The following NCAPD3 variants were observed in gnomAD, a reference collection of about 807,000 sequenced individuals.
NCAPD3 encodes the protein non-SMC condensin II complex subunit D3.
A neutral mutation model predicts 182.9 loss-of-function variants in NCAPD3; 105 were observed. The ratio of observed to expected loss-of-function variants is 0.57; its 90% CI spans 0.49 to 0.68. NCAPD3 has a LOEUF of 0.68. Among genes scored for constraint, NCAPD3 ranks in the 30% least tolerant of loss-of-function variants. The probability of loss-of-function intolerance (pLI) is 0.00; values close to 1 mark genes in which losing one functional copy is unlikely to be tolerated. For missense variants in NCAPD3, 1,944 were observed against 1,837.0 expected (o/e 1.06, Z -1.07); for synonymous variants, 815 against 679.9 (o/e 1.20, Z -3.09).
chr11:134,160,193 G>A, intron 28 of NCAPD3, 119 bp from the exon 29 acceptor site: 1 of 983,774 alleles, frequency 1.0e-6, no homozygotes, highest in South Asian at 1.8e-5. Flanking sequence ...GTGTACCCCT[G>A]AACGCAAAAT....
In NCAPD3 at chr11:134,158,067, C is replaced by A. The variant is rs755152875; in HGVS notation, c.4035G>T (p.Arg1345Ser). The A allele has an allele frequency of 6.2e-7, 1 of 1,613,128 alleles. No homozygotes were observed. The highest frequency in any genetic ancestry group is 2.2e-5 in the East Asian group (1 of 44,864). The change falls in exon 31 of 35, where the codon AGG (arginine) becomes AGT (serine). Residue 1345 changes from arginine to serine, a missense_variant and splice_region_variant. This residue lies in a region of NCAPD3 where 1,803 missense variants were observed against 1,674.6 expected (regional missense o/e 1.08). Coordinates refer to ENST00000534548, the MANE Select transcript of NCAPD3 (RefSeq NM_015261.3). The stretch of plus-strand genomic sequence containing the variant: ...TTGCAATGGTGCTCAGGGACATGGG[C>A]CTGTGGAGAACAGCCACAGCCGCTG... ...GPLQRLLPKA[R>S]PMSLSTIAIL...
Position 134,206,550 on chromosome 11 carries a change from G to A in NCAPD3, c.1016+49C>T, listed in dbSNP as rs986637191. On this transcript the variant is annotated intron_variant, in intron 8 of 34. Coordinates refer to ENST00000534548, the MANE Select transcript of NCAPD3 (RefSeq NM_015261.3). Reference sequence around the variant, plus strand: ...CAGAAATCTTAGTGCAGGGCCCAGAGTACTGAGGGAGACTGACAGGGTGAA... The same window carrying A: ...CAGAAATCTTAGTGCAGGGCCCAGAATACTGAGGGAGACTGACAGGGTGAA... 4 of 1,605,534 alleles carry A rather than the reference G, an allele frequency of 2.5e-6. No individual in the cohort carries two copies. The African/African-American group carries it at 4.0e-5, about 16-fold the overall frequency.
intron 27 of NCAPD3, among the ~76,000 whole-genome samples, chr11:134,167,148 C>T (rs560939370): frequency 7.4e-6 from 1 of 135,610 alleles, no homozygotes; most frequent in South Asian, 2.4e-4. Context: ...GGGAGGGGCA[C>T]ACTCACTAGT....
Position 134,168,942 on chromosome 11 carries a change from ACTTCTCATG to A in NCAPD3, c.3205_3213del (p.His1069_Lys1071del). 1 of 1,613,852 alleles carries A rather than the reference ACTTCTCATG, an allele frequency of 6.2e-7. No homozygotes were observed. ...CTCTCTGACTGGGGGAACTTGTTGT[ACTTCTCATG>A]CTTCTCATAGTTATTAAAGTGAAAA... is the stretch of plus-strand genomic sequence containing the variant. On this transcript the variant is annotated inframe_deletion, in exon 25 of 35. Transcript: ENST00000534548.
At chr11:134,223,227 C>G (rs925807032) in intron 1 of NCAPD3, 1 of 577,492 alleles carries the variant, frequency 1.7e-6, no homozygotes, top group South Asian at 2.1e-5. Flanking sequence ...TGGGCTGGCA[C>G]AGTTAACATC....
In NCAPD3 at chr11:134,203,693, TA is replaced by T; in HGVS notation, c.1428del (p.Thr477ProfsTer11). On this transcript the variant is annotated frameshift_variant, in exon 11 of 35. Coordinates refer to ENST00000534548, the MANE Select transcript of NCAPD3 (RefSeq NM_015261.3). LOFTEE classifies it high-confidence loss of function. ...SSFAHCLELT[V>X]TSASESILEL... ...TCCAGGATACTCTCCGACGCACTGG[TA>T]ACAGTCAACTCCAGACAGTGTGCAA... The T allele has an allele frequency of 6.2e-7, 1 of 1,613,972 alleles. No homozygotes were observed. Among genetic ancestry groups the T allele is most frequent in the Non-Finnish European group, 8.5e-7 (1 of 1,180,018 alleles).
rs776053317 is a variant in NCAPD3, at chr11:134,168,071, G to T, written c.3498C>A (p.Asp1166Glu). The T allele has an allele frequency of 4.3e-5, 69 of 1,614,192 alleles. 1 individual carries two copies. Among genetic ancestry groups the T allele is most frequent in the Non-Finnish European group, 5.8e-5 (69 of 1,179,992 alleles). ...CCATGTCATCTTCTTCCATAAGGAG[G>T]TCTTTGTCTGGTTTAGATCTCATTG... ...LLAMRSKPDK[D>E]LLMEEDDMAL... Residue 1166 changes from aspartate to glutamate, a missense_variant, in exon 27 of 35, where the codon GAC becomes GAA. Coordinates refer to ENST00000534548, the MANE Select transcript of NCAPD3 (RefSeq NM_015261.3).
At position 134,154,642 on chromosome 11, in the gene NCAPD3, C is replaced by T. The variant is rs547419642; in HGVS notation, c.4253-1279G>A. On this transcript the variant is annotated intron_variant, in intron 32 of 34. Coordinates refer to ENST00000534548, the MANE Select transcript of NCAPD3 (RefSeq NM_015261.3). ...TCGCCCCTCCTGGGTGGTGCTGTAC[C>T]CAGTGCATAAGCTGCCACCAGCACA... Among the ~76,000 whole-genome samples, 245 of 152,150 alleles carry T rather than the reference C, an allele frequency of 1.6e-3. 1 individual carries two copies. The highest frequency in any genetic ancestry group is 6.8e-3 in the Middle Eastern group (2 of 292).
chr11:134,172,879 C>T (rs1341743382), intron 24 of NCAPD3, among the ~76,000 whole-genome samples: 4 of 147,362 alleles, frequency 2.7e-5, no homozygotes, highest in Admixed American at 7.0e-5. Context: ...CATTAGCTAA[C>T]TATTTGGGAG....
rs1212649181 is a variant in NCAPD3 at position 134,152,996 on chromosome 11, G to T, written c.4445C>A (p.Pro1482Gln). Residue 1482 changes from proline (P) to glutamine (Q), a missense_variant, in exon 35 of 35, where the codon CCA becomes CAA. Physicochemically the swap from Pro to Gln is moderately conservative, Grantham distance 76. This residue lies in a region of NCAPD3 where 1,803 missense variants were observed against 1,674.6 expected (regional missense o/e 1.08). Transcript: ENST00000534548. ...TCGGAGGGACCTCCTGCTGCAGGCT[G>T]GAGTGTCTTTATTCCTGGCGGGAGA... The part of the protein sequence containing the change: ...VRSPARNKDT[P>Q]ACSRRSLRKT... 1.3e-6 allele frequency: 2 copies of T among 1,587,896 alleles called. No homozygotes were observed. The highest frequency in any genetic ancestry group is 2.7e-5 in the African/African-American group (2 of 74,200).
chr11:134,174,382 C>CAAAAAAAAAA (rs34533048), intron 24 of NCAPD3, among the ~76,000 whole-genome samples: 2 of 53,636 alleles, frequency 3.7e-5, no homozygotes, highest in Non-Finnish European at 6.3e-5. Context: ...GACCCTGTCT[C>CAAAAAAAAAA]AAAAAAAAAA....
At chr11:134,161,923 G>A (rs1235812029) in intron 27 of NCAPD3, 32 bp from the exon 28 acceptor site, 4 of 1,201,502 alleles carry the variant, frequency 3.3e-6, no homozygotes, top group African/African-American at 2.0e-5. Flanking sequence ...TGTTTTAGAT[G>A]TATGAACTTC....
chr11:134,223,957 G>A lies in NCAPD3; in HGVS notation c.-31C>T. 3 of 1,607,876 alleles carry A rather than the reference G, an allele frequency of 1.9e-6. No individual in the cohort carries two copies. Among genetic ancestry groups the A allele is most frequent in the South Asian group, 1.1e-5 (1 of 90,154 alleles). ...CAGGGCACCGGCTCGCCGCCGCCGT[G>A]CTCAACTTTCAAAGCTCGCTCCCGC... is the stretch of plus-strand genomic sequence containing the variant. On this transcript the variant is annotated 5_prime_UTR_variant, in exon 1 of 35. Transcript: ENST00000534548.
intron 2 of NCAPD3, 122 bp from the exon 3 acceptor site, chr11:134,217,220 C>A: frequency 1.2e-6 from 1 of 801,334 alleles, no homozygotes; most frequent in Non-Finnish European, 1.8e-6. Context: ...CTGGCTCCTA[C>A]TGCTAAATGT....
intron 20 of NCAPD3, 95 bp from the exon 21 acceptor site, chr11:134,179,031 C>A: frequency 2.5e-6 from 2 of 790,472 alleles, no homozygotes; most frequent in Non-Finnish European, 4.1e-6. Context: ...TTCCTTTATC[C>A]CCCAAATTTA....
At chr11:134,185,911 T>TC (rs1157941815) in intron 16 of NCAPD3, 1 of 152,778 alleles carries the variant, frequency 6.5e-6, no homozygotes, top group Non-Finnish European at 1.4e-5. Context: ...TTGTCCTTTT[T>TC]TTTTTTTTTT....
chr11:134,199,867 T>C (rs779472526), intron 13 of NCAPD3, among the ~76,000 whole-genome samples: 1 of 152,152 alleles, frequency 6.6e-6, no homozygotes, highest in African/African-American at 2.4e-5. Flanking sequence ...ATGTGGTACA[T>C]AAAGACAGAT....
chr11:134,173,652 T>C (rs1262070952), intron 24 of NCAPD3: 9 of 152,426 alleles, frequency 5.9e-5, no homozygotes. Flanking sequence ...TCAGATTGTC[T>C]AGACTCTATC....
rs773310175 is a variant in NCAPD3, at chr11:134,184,886, C to G, written c.2335+17G>C. On this transcript the variant is annotated intron_variant, in intron 18 of 34. Transcript: ENST00000534548. ...CAGCAATGCATTTTCACATAAGATT[C>G]TCCAGCAGACACTCACCAGTCACTT... The G allele has an allele frequency of 1.4e-5, 22 of 1,587,832 alleles. No homozygotes were observed. Among genetic ancestry groups the G allele is most frequent in the Non-Finnish European group, 1.7e-5 (20 of 1,156,496 alleles).
Sources: allele counts gnomAD v4.1 joint callset (sites outside exome capture counted in the v4.1 genomes callset), GRCh38; gene constraint gnomAD v4.1.1; regional missense constraint gnomAD v4.1.1; transcripts MANE v1.5; gene names NCBI Gene and HGNC (gene_info 2026-07-23, HGNC 2026-07-21).